The following AFF3 variants were observed in gnomAD, a reference collection of about 807,000 sequenced individuals.
AFF3 encodes the protein ALF transcription elongation factor 3.
AFF3 carries 32 observed loss-of-function variants against 129.7 expected under a neutral mutation model. That is an observed-to-expected ratio of 0.25 (90% confidence interval 0.19 to 0.33). The LOEUF (loss-of-function observed/expected upper bound fraction) is 0.33, where lower values mean the gene tolerates loss of function less well. Ranked by LOEUF, AFF3 falls within the 10% of genes least tolerant of loss-of-function variation. The pLI is 1.00. For synonymous variants in AFF3, 644 were observed against 635.4 expected (o/e 1.01, Z -0.20); for missense variants, 1,373 against 1,592.0 (o/e 0.86, Z 2.34).
chr2:99,873,609 A>G (rs776093349), intron 7 of AFF3, among the ~76,000 whole-genome samples: 3 of 152,174 alleles, frequency 2.0e-5, no homozygotes, highest in Non-Finnish European at 2.9e-5. Context: ...TAAATCATGT[A>G]AACAATGAAG....
chr2:99,605,857 AT>A (rs34385645), intron 13 of AFF3, among the ~76,000 whole-genome samples: 28 of 147,784 alleles, frequency 1.9e-4, no homozygotes, highest in East Asian at 5.9e-4. Context: ...TAATTTTTGT[AT>A]TTTTTTTTTT....
intron 11 of AFF3, among the ~76,000 whole-genome samples, chr2:99,673,877 C>T (rs767028584): frequency 2.0e-5 from 3 of 152,166 alleles, no homozygotes; most frequent in Non-Finnish European, 4.4e-5. Flanking sequence ...TGGGGTGAGT[C>T]GCTTCACGCA....
chr2:100,004,273 G>A (rs1176070106), intron 7 of AFF3, among the ~76,000 whole-genome samples: 1 of 152,034 alleles, frequency 6.6e-6, no homozygotes, highest in Non-Finnish European at 1.5e-5. Context: ...CTGTACTATT[G>A]AGAGGACATT....
intron 12 of AFF3, among the ~76,000 whole-genome samples, chr2:99,669,553 T>C (rs1339155495): frequency 1.3e-5 from 2 of 152,242 alleles, no homozygotes; most frequent in East Asian, 3.8e-4. Context: ...GTGGTTATTC[T>C]TCTGCAGAGT....
intron 13 of AFF3, among the ~76,000 whole-genome samples, chr2:99,605,142 C>A (rs1680200916): frequency 6.6e-6 from 1 of 152,234 alleles, no homozygotes; most frequent in African/African-American, 2.4e-5. Flanking sequence ...CATCTCCGAT[C>A]TGAATTACAT....
intron 7 of AFF3, among the ~76,000 whole-genome samples, chr2:99,873,443 G>A (rs1478241925): frequency 6.6e-6 from 1 of 152,174 alleles, no homozygotes; most frequent in African/African-American, 2.4e-5. Flanking sequence ...TCTTGGGTAT[G>A]CATTGTAGGC....
chr2:99,806,998 G>T (rs376320682), intron 8 of AFF3, among the ~76,000 whole-genome samples: 12 of 152,308 alleles, frequency 7.9e-5, no homozygotes, highest in African/African-American at 2.9e-4. Flanking sequence ...GCTCAGCTGA[G>T]GCTTTTGCAG....
In AFF3 at chr2:99,910,675, C is replaced by T. The variant is rs542699096; in HGVS notation, c.874-73151G>A. Among the ~76,000 whole-genome samples, 19 of 152,348 alleles carry T rather than the reference C, an allele frequency of 1.2e-4. No individual in the cohort carries two copies. In the South Asian group the frequency reaches 1.9e-3, roughly 15 times the overall value. ...GGACAATATGACTCTCAAAGCCCTT[C>T]GAGTTTCTCTTTTAACTTCAGCTGC... is the stretch of plus-strand genomic sequence containing the variant. On this transcript the variant is annotated intron_variant, in intron 7 of 24. Transcript: ENST00000672756.
chr2:100,000,506 ACG>A (rs771715492), intron 7 of AFF3, among the ~76,000 whole-genome samples: 3 of 140,706 alleles, frequency 2.1e-5, no homozygotes, highest in African/African-American at 8.4e-5. Context: ...TCTCTCTAGC[ACG>A]CGCGCACACA....
chr2:99,962,937 T>C (rs1677379087), intron 7 of AFF3, among the ~76,000 whole-genome samples: 3 of 150,590 alleles, frequency 2.0e-5, no homozygotes, highest in Admixed American at 2.0e-4. Context: ...AACTCACAGA[T>C]TGACGAAATC....
At chr2:99,777,947 C>CAAAAAAAAAAAAAAAAAAAA (rs576434643) in intron 8 of AFF3, among the ~76,000 whole-genome samples, 8 of 48,310 alleles carry the variant, frequency 1.7e-4, no homozygotes, top group South Asian at 1.3e-3. Context: ...AAAGCAAAAG[C>CAAAAAAAAAAAAAAAAAAAA]AAAAAAAAAA....
chr2:99,690,294 C>A (rs554161876), intron 11 of AFF3, among the ~76,000 whole-genome samples: 51 of 150,466 alleles, frequency 3.4e-4, no homozygotes, highest in Non-Finnish European at 6.4e-4. Flanking sequence ...CATTTTCCTG[C>A]CTCAGCCTCC....
intron 4 of AFF3, among the ~76,000 whole-genome samples, chr2:100,080,282 T>C (rs1688942322): frequency 6.6e-6 from 1 of 152,188 alleles, no homozygotes; most frequent in Non-Finnish European, 1.5e-5. Context: ...AGAGAGAATA[T>C]AGGTAAAGAT....
rs182531198 is a variant in AFF3, at chr2:99,938,414, T to C, written c.873+68218A>G. On this transcript the variant is annotated intron_variant, in intron 7 of 24. Coordinates refer to ENST00000672756, the MANE Select transcript of AFF3 (RefSeq NM_001386135.1). ...GTTAATACATGTCAGGTGCTCAAAA[T>C]AGTACATGACACACAGTCGATGATG... Among the ~76,000 whole-genome samples, 193 of 151,982 alleles carry C rather than the reference T, an allele frequency of 1.3e-3. 1 individual carries two copies. The highest frequency in any genetic ancestry group is 2.0e-3 in the Admixed American group (30 of 15,268).
At chr2:100,022,488 G>A (rs913501598) in intron 4 of AFF3, among the ~76,000 whole-genome samples, 3 of 151,804 alleles carry the variant, frequency 2.0e-5, no homozygotes, top group African/African-American at 7.3e-5. Flanking sequence ...TCGGCTCACT[G>A]TGACCTCCGC....
At chr2:99,903,277 G>A (rs1694480527) in intron 7 of AFF3, among the ~76,000 whole-genome samples, 1 of 152,122 alleles carries the variant, frequency 6.6e-6, no homozygotes, top group African/African-American at 2.4e-5. Flanking sequence ...TGTGAGAAAT[G>A]TGTATCTTTT....
chr2:100,057,412 C>A (rs1686893124), intron 4 of AFF3, among the ~76,000 whole-genome samples: 1 of 151,538 alleles, frequency 6.6e-6, no homozygotes. Flanking sequence ...GGATAAGTTA[C>A]CCAATCTCTT....
intron 13 of AFF3, among the ~76,000 whole-genome samples, chr2:99,643,021 T>A (rs529135768): frequency 4.0e-4 from 61 of 151,500 alleles, no homozygotes; most frequent in Non-Finnish European, 7.4e-4. Context: ...ATGGATTTTT[T>A]AAAAGTTTTT....
At chr2:99,700,985 G>C (rs917000333) in intron 11 of AFF3, among the ~76,000 whole-genome samples, 1 of 152,162 alleles carries the variant, frequency 6.6e-6, no homozygotes, top group South Asian at 2.1e-4. Context: ...GTAAATTCCC[G>C]GGGAACACTC....
Sources: gnomAD v4.1 joint callset for allele counts (sites outside exome capture counted in the v4.1 genomes callset) on GRCh38, gnomAD v4.1.1 for gene constraint, MANE v1.5 for transcripts, NCBI Gene and HGNC (gene_info 2026-07-23, HGNC 2026-07-21) for gene names.